The following GPATCH1 variants were observed in gnomAD, a reference collection of about 807,000 sequenced individuals.
GPATCH1 encodes the protein G-patch domain containing 1, also known as G patch domain-containing protein 1.
In GPATCH1, 73 loss-of-function variants were observed where a neutral mutation model predicts 114.9. The observed-to-expected ratio is 0.64, with a 90% confidence interval of 0.53 to 0.77. The LOEUF (loss-of-function observed/expected upper bound fraction) is 0.77, where lower values mean the gene tolerates loss of function less well. GPATCH1 is among the 30% of genes least tolerant of loss of function. The probability of loss-of-function intolerance (pLI) is 0.00; values close to 1 mark genes in which losing one functional copy is unlikely to be tolerated. For synonymous variants in GPATCH1, 391 were observed against 428.4 expected (o/e 0.91, Z 1.08); for missense variants, 1,058 against 1,144.3 (o/e 0.92, Z 1.09).
chr19:33,128,946 A>G (rs1973072520), intron 19 of GPATCH1, among the ~76,000 whole-genome samples: 2 of 152,088 alleles, frequency 1.3e-5, no homozygotes, highest in Admixed American at 1.3e-4. Context: ...ACATTCCTAT[A>G]TGTATGAAAT....
intron 19 of GPATCH1, among the ~76,000 whole-genome samples, chr19:33,127,305 T>G (rs1599869189): frequency 6.6e-6 from 1 of 151,702 alleles, no homozygotes; most frequent in African/African-American, 2.4e-5. Context: ...GATCACAAGG[T>G]CAGGAGCTCG....
rs145751997 is a variant in GPATCH1 at position 33,115,060 on chromosome 19, G to T, written c.2196+641G>T. ...GATTGCTATTTCTTTTCAGTGAATT[G>T]ATCTTTTTTTTTTTTTCTCTGACAC... On this transcript the variant is annotated intron_variant, in intron 15 of 19. Coordinates refer to ENST00000170564, the MANE Select transcript of GPATCH1 (RefSeq NM_018025.3). Among the ~76,000 whole-genome samples, 398 of 143,110 alleles carry T rather than the reference G, an allele frequency of 2.8e-3. 1 individual carries two copies. The highest frequency in any genetic ancestry group is 9.6e-3 in the African/African-American group (377 of 39,246). The allele number at this position is 143,110 out of a possible 152,430, so 93.9% of individuals were successfully genotyped here.
intron 17 of GPATCH1, among the ~76,000 whole-genome samples, chr19:33,122,088 G>A (rs779880248): frequency 5.3e-5 from 8 of 152,044 alleles, no homozygotes; most frequent in East Asian, 1.9e-4. Context: ...GCGCGATCTC[G>A]GCTCACTGCA....
Position 33,113,844 on chromosome 19 carries a change from C to T in GPATCH1, c.1970C>T (p.Ala657Val). 5.0e-6 allele frequency: 8 copies of T among 1,613,982 alleles called. No individual in the cohort carries two copies. Among genetic ancestry groups the T allele is most frequent in the Non-Finnish European group, 6.8e-6 (8 of 1,179,876 alleles). ...VFNFLTLPET[A>V]SLPTTQASSE... ...AACTTTCTGACGCTCCCAGAGACAG[C>T]TTCCTTGCCCACCACTCAAGCATCA... is the stretch of plus-strand genomic sequence containing the variant. The change falls in exon 14 of 20, where the codon GCT becomes GTT. Residue 657 changes from alanine to valine, a missense_variant. Ala to Val is a moderately conservative substitution (Grantham distance 64). Around this residue, in one of 3 missense-constraint regions of GPATCH1, gnomAD observed 893 missense variants for 977.4 expected, o/e 0.91. Coordinates refer to ENST00000170564, the MANE Select transcript of GPATCH1 (RefSeq NM_018025.3).
intron 17 of GPATCH1, among the ~76,000 whole-genome samples, chr19:33,119,713 G>A (rs1310851328): frequency 2.0e-5 from 3 of 148,250 alleles, no homozygotes; most frequent in Non-Finnish European, 4.5e-5. Flanking sequence ...AAAAAAAAAG[G>A]GGCTGCAGCC....
chr19:33,088,333 T>C, intron 2 of GPATCH1, 65 bp downstream of exon 2: 1 of 1,112,948 alleles, frequency 9.0e-7, no homozygotes, highest in Non-Finnish European at 1.3e-6. Flanking sequence ...TGATTCTCCC[T>C]CACCCTTGCT....
chr19:33,094,221 C>A lies in GPATCH1; in HGVS notation c.505C>A (p.Gln169Lys). 6.2e-7 allele frequency: 1 copy of A among 1,610,422 alleles called. No homozygotes were observed. Among genetic ancestry groups the A allele is most frequent in the Non-Finnish European group, 8.5e-7 (1 of 1,176,678 alleles). The change falls in exon 5 of 20, where the codon CAA (glutamine) becomes AAA (lysine). Residue 169 changes from glutamine (Q) to lysine (K), a missense_variant. Around this residue, in one of 3 missense-constraint regions of GPATCH1, gnomAD observed 893 missense variants for 977.4 expected, o/e 0.91. Coordinates refer to ENST00000170564, the MANE Select transcript of GPATCH1 (RefSeq NM_018025.3). The part of the protein sequence containing the change: ...LLRKMGWKEG[Q>K]GVGPRVKRRP... ...AAGAAAAATGGGTTGGAAAGAAGGA[C>A]AAGGAGTTGGTCCTCGAGTAAAGAG... is the stretch of plus-strand genomic sequence containing the variant.
intron 9 of GPATCH1, among the ~76,000 whole-genome samples, chr19:33,102,279 G>A (rs935189507): frequency 2.0e-5 from 3 of 151,898 alleles, no homozygotes; most frequent in African/African-American, 7.3e-5. Flanking sequence ...AGGTTGCAGC[G>A]AGCCAAGATC....
Position 33,099,238 on chromosome 19 carries a change from G to C in GPATCH1, c.1000+1336G>C, listed in dbSNP as rs1599855965. Among the ~76,000 whole-genome samples the C allele has an allele frequency of 2.6e-5, 4 of 151,090 alleles. No individual in the cohort carries two copies. In the East Asian group the frequency reaches 7.8e-4, roughly 29 times the overall value. On this transcript the variant is annotated intron_variant, in intron 8 of 19. Transcript: ENST00000170564. ...TCATTATTTATTAAAAGTGGTGGGAGTATGAAATTGATAATATCCTATATC... is the reference window on the plus strand; with the variant it reads ...TCATTATTTATTAAAAGTGGTGGGACTATGAAATTGATAATATCCTATATC...
intron 1 of GPATCH1, among the ~76,000 whole-genome samples, chr19:33,087,307 T>TA (rs1200436662): frequency 1.3e-5 from 2 of 152,182 alleles, no homozygotes; most frequent in Non-Finnish European, 2.9e-5. Flanking sequence ...TTGTAGTTGA[T>TA]AAAACGAGGC....
chr19:33,126,528 T>A, intron 18 of GPATCH1, 60 bp from the exon 19 acceptor site: 2 of 1,598,358 alleles, frequency 1.3e-6, no homozygotes, highest in Non-Finnish European at 1.7e-6. Context: ...CCTTTCATTG[T>A]ATTGAATTAA....
intron 17 of GPATCH1, among the ~76,000 whole-genome samples, chr19:33,119,339 T>C (rs1456407864): frequency 6.6e-6 from 1 of 152,164 alleles, no homozygotes; most frequent in Non-Finnish European, 1.5e-5. Flanking sequence ...CTGCCACATG[T>C]TTACAGGAGG....
At chr19:33,090,524 A>G (rs944112133) in intron 2 of GPATCH1, among the ~76,000 whole-genome samples, 3 of 152,134 alleles carry the variant, frequency 2.0e-5, no homozygotes, top group Non-Finnish European at 4.4e-5. Flanking sequence ...TTAACTTTCA[A>G]TGTGTAATTC....
At chr19:33,105,795 A>AT (rs1485288313) in intron 9 of GPATCH1, among the ~76,000 whole-genome samples, 1 of 151,748 alleles carries the variant, frequency 6.6e-6, no homozygotes, top group Non-Finnish European at 1.5e-5. Flanking sequence ...AAGTGCTGGG[A>AT]TTATAGGCAT....
chr19:33,085,690 T>C (rs1319783309), intron 1 of GPATCH1, among the ~76,000 whole-genome samples: 1 of 152,174 alleles, frequency 6.6e-6, no homozygotes, highest in Non-Finnish European at 1.5e-5. Flanking sequence ...TTAATCAGTA[T>C]CCTTATCAGG....
chr19:33,120,271 C>CTATATATAAA (rs1972965859), intron 17 of GPATCH1, among the ~76,000 whole-genome samples: 2 of 120,284 alleles, frequency 1.7e-5, no homozygotes, highest in Admixed American at 2.0e-4. Flanking sequence ...TTATATATAA[C>CTATATATAAA]AATTATATAT....
At chr19:33,091,238 C>T (rs776186577) in intron 3 of GPATCH1, among the ~76,000 whole-genome samples, 7 of 151,734 alleles carry the variant, frequency 4.6e-5, no homozygotes, top group Middle Eastern at 3.2e-3. Flanking sequence ...GGTGAAACCC[C>T]GTCTCTACTA....
intron 8 of GPATCH1, 39 bp from the exon 9 acceptor site, chr19:33,101,456 T>A: frequency 9.1e-7 from 1 of 1,097,274 alleles, no homozygotes; most frequent in Non-Finnish European, 1.4e-6. Flanking sequence ...ATTCTAATCA[T>A]CTCTACTTCT....
intron 6 of GPATCH1, among the ~76,000 whole-genome samples, 190 bp from the exon 7 acceptor site, chr19:33,096,017 C>T (rs1468511375): frequency 6.6e-6 from 1 of 152,182 alleles, no homozygotes; most frequent in Non-Finnish European, 1.5e-5. Flanking sequence ...CAGGTCTGTT[C>T]AGCTTCATAA....
Sources: gnomAD v4.1 joint callset for allele counts (sites outside exome capture counted in the v4.1 genomes callset) on GRCh38, gnomAD v4.1.1 for gene constraint, gnomAD v4.1.1 regional missense constraint, MANE v1.5 for transcripts, NCBI Gene and HGNC (gene_info 2026-07-23, HGNC 2026-07-21) for gene names.